The following EGFLAM variants were observed in gnomAD, a reference collection of about 807,000 sequenced individuals.
EGFLAM encodes the protein EGF like, fibronectin type III and laminin G domains.
In EGFLAM, 79 loss-of-function variants were observed where a neutral mutation model predicts 113.1. That is an observed-to-expected ratio of 0.70 (90% CI 0.58 to 0.84). EGFLAM has a LOEUF of 0.84. Ranked by LOEUF, EGFLAM falls within the 40% of genes least tolerant of loss-of-function variation. The probability of loss-of-function intolerance (pLI) is 0.00; values close to 1 mark genes in which losing one functional copy is unlikely to be tolerated. For missense variants in EGFLAM, 1,265 were observed against 1,291.6 expected (o/e 0.98, Z 0.32); for synonymous variants, 504 against 487.6 (o/e 1.03, Z -0.44).
intron 1 of EGFLAM, among the ~76,000 whole-genome samples, chr5:38,304,820 C>T (rs2111838941): frequency 6.6e-6 from 1 of 152,124 alleles, no homozygotes; most frequent in Non-Finnish European, 1.5e-5. Flanking sequence ...AACAGAAACA[C>T]ACCAAAAAAA....
At chr5:38,368,497 G>T (rs1450086401) in intron 5 of EGFLAM, among the ~76,000 whole-genome samples, 3 of 152,128 alleles carry the variant, frequency 2.0e-5, no homozygotes, top group Non-Finnish European at 4.4e-5. Context: ...GAAAAACTGG[G>T]CGAGCTCACA....
intron 1 of EGFLAM, among the ~76,000 whole-genome samples, chr5:38,312,442 A>G (rs1026579754): frequency 9.0e-4 from 137 of 151,822 alleles, no homozygotes; most frequent in Non-Finnish European, 1.2e-3. Flanking sequence ...GGGTTTCACC[A>G]TGTTAGCCAG....
At chr5:38,406,059 G>C in intron 6 of EGFLAM, 67 bp from the exon 7 acceptor site, 1 of 1,273,012 alleles carries the variant, frequency 7.9e-7, no homozygotes, top group Non-Finnish European at 1.2e-6. Context: ...CTGTGGCTGA[G>C]TTAGGCTAGA....
chr5:38,422,981 C>G (rs901032608), intron 12 of EGFLAM, among the ~76,000 whole-genome samples: 14 of 152,190 alleles, frequency 9.2e-5, no homozygotes. Context: ...TGTACCCACA[C>G]TGGTTTGGAA....
intron 5 of EGFLAM, among the ~76,000 whole-genome samples, chr5:38,353,605 A>G (rs1015221665): frequency 6.6e-6 from 1 of 152,236 alleles, no homozygotes; most frequent in African/African-American, 2.4e-5. Flanking sequence ...TTAATGCTTC[A>G]GTACAGAGTG....
At chr5:38,416,340 G>A (rs1741641719) in intron 11 of EGFLAM, among the ~76,000 whole-genome samples, 1 of 152,228 alleles carries the variant, frequency 6.6e-6, no homozygotes, top group African/African-American at 2.4e-5. Context: ...GAGGATATCA[G>A]CAAGAGTGAG....
intron 2 of EGFLAM, 83 bp from the exon 3 acceptor site, chr5:38,338,613 TGC>T: frequency 7.8e-7 from 1 of 1,283,820 alleles, no homozygotes; most frequent in Non-Finnish European, 1.1e-6. Flanking sequence ...CCTCAGAGCC[TGC>T]TGCCACTGTG....
intron 21 of EGFLAM, 66 bp from the exon 22 acceptor site, chr5:38,463,766 A>G: frequency 1.3e-6 from 2 of 1,587,868 alleles, no homozygotes; most frequent in Non-Finnish European, 8.6e-7. Flanking sequence ...CCAAACTGGA[A>G]CCCCGACCTT....
chr5:38,383,994 A>C (rs961311576), intron 6 of EGFLAM, among the ~76,000 whole-genome samples: 4 of 152,096 alleles, frequency 2.6e-5, no homozygotes, highest in African/African-American at 9.7e-5. Flanking sequence ...ATAGGTCCTG[A>C]TGAAGACTTT....
At chr5:38,277,313 T>C (rs1418663770) in intron 1 of EGFLAM, among the ~76,000 whole-genome samples, 5 of 152,160 alleles carry the variant, frequency 3.3e-5, no homozygotes, top group Non-Finnish European at 5.9e-5. Context: ...GGACAAATAC[T>C]GTATGATCAT....
At chr5:38,307,732 T>A (rs1052165095) in intron 1 of EGFLAM, among the ~76,000 whole-genome samples, 5 of 152,250 alleles carry the variant, frequency 3.3e-5, no homozygotes, top group African/African-American at 1.2e-4. Flanking sequence ...TTGCCAGTGA[T>A]CTTTCTCTTT....
intron 6 of EGFLAM, among the ~76,000 whole-genome samples, chr5:38,377,812 T>C (rs970743459): frequency 3.9e-5 from 6 of 152,164 alleles, no homozygotes; most frequent in Admixed American, 3.9e-4. Flanking sequence ...AAGGATGAGA[T>C]TCTAATGCTA....
At chr5:38,267,193 G>A (rs1757654478) in intron 1 of EGFLAM, among the ~76,000 whole-genome samples, 1 of 152,166 alleles carries the variant, frequency 6.6e-6, no homozygotes, top group Non-Finnish European at 1.5e-5. Context: ...CAAGTCTTGA[G>A]CAATTTAAAT....
In EGFLAM at chr5:38,463,949, T is replaced by C. The variant is rs1743379940; in HGVS notation, c.2993T>C (p.Val998Ala). 2 of 1,614,108 alleles carry C rather than the reference T, an allele frequency of 1.2e-6. No homozygotes were observed. Among genetic ancestry groups the C allele is most frequent in the Middle Eastern group, 1.6e-4 (1 of 6,084 alleles). ...CACATTTCCCTCGTGGAAGATGCCG[T>C]GGATGGGAAAAACATCAACACTTGT... ...DYHISLVEDA[V>A]DGKNINTCGA... is the part of the protein sequence containing the mutation. Residue 998 changes from valine (V) to alanine (A), a missense_variant, in exon 22 of 22, where the codon GTG (valine) becomes GCG (alanine). By Grantham distance (64) the Val-to-Ala change is moderately conservative (BLOSUM62 0). Transcript: ENST00000322350.
At chr5:38,317,294 T>C (rs532185301) in intron 1 of EGFLAM, among the ~76,000 whole-genome samples, 7 of 151,966 alleles carry the variant, frequency 4.6e-5, no homozygotes, top group Non-Finnish European at 1.0e-4. Flanking sequence ...TGTTAAGCCA[T>C]GAGATGTTGA....
At chr5:38,330,942 A>G (rs375411280) in intron 1 of EGFLAM, among the ~76,000 whole-genome samples, 1 of 152,230 alleles carries the variant, frequency 6.6e-6, no homozygotes, top group Non-Finnish European at 1.5e-5. Context: ...AATAATTCAG[A>G]TCTTTCACAA....
chr5:38,271,953 T>G (rs984038284), intron 1 of EGFLAM, among the ~76,000 whole-genome samples: 2 of 152,250 alleles, frequency 1.3e-5, no homozygotes, highest in East Asian at 1.9e-4. Context: ...AATTTGATCC[T>G]ATTCCAAGCT....
intron 1 of EGFLAM, among the ~76,000 whole-genome samples, chr5:38,302,188 G>T (rs1268725338): frequency 6.8e-6 from 1 of 148,078 alleles, no homozygotes; most frequent in Admixed American, 6.8e-5. Context: ...AGTGAGCCGA[G>T]ATAGTGCCAT....
At chr5:38,298,238 T>C (rs1241786803) in intron 1 of EGFLAM, among the ~76,000 whole-genome samples, 1 of 152,232 alleles carries the variant, frequency 6.6e-6, no homozygotes, top group Non-Finnish European at 1.5e-5. Flanking sequence ...CAACTGGCAT[T>C]GTTAAAGGCT....
Sources: allele counts gnomAD v4.1 joint callset (sites outside exome capture counted in the v4.1 genomes callset), GRCh38; gene constraint gnomAD v4.1.1; transcripts MANE v1.5; gene names NCBI Gene and HGNC (gene_info 2026-07-23, HGNC 2026-07-21).